The following RABEPK variants were observed in gnomAD, a reference collection of about 807,000 sequenced individuals.
The protein encoded by RABEPK is Rab9 effector protein with kelch motifs.
In RABEPK, 27 loss-of-function variants were observed where a neutral mutation model predicts 34.1. That is an observed-to-expected ratio of 0.79 (90% confidence interval 0.58 to 1.09). The LOEUF (loss-of-function observed/expected upper bound fraction) is 1.09, where lower values mean the gene tolerates loss of function less well. Ranked by LOEUF, RABEPK falls within the 50% of genes least tolerant of loss-of-function variation. The probability of loss-of-function intolerance (pLI) is 0.00; values close to 1 mark genes in which losing one functional copy is unlikely to be tolerated. For synonymous variants in RABEPK, 172 were observed against 169.2 expected (o/e 1.02, Z -0.13); for missense variants, 449 against 462.6 (o/e 0.97, Z 0.27).
At chr9:125,233,333 T>G (rs1832347033) in intron 7 of RABEPK, among the ~76,000 whole-genome samples, 1 of 136,312 alleles carries the variant, frequency 7.3e-6, no homozygotes, top group Non-Finnish European at 1.6e-5. Flanking sequence ...GAAATTGTTT[T>G]TTTTTTTTTT....
At position 125,228,018 on chromosome 9, in the gene RABEPK, C is replaced by T. The variant is rs746386284; in HGVS notation, c.635C>T (p.Ala212Val). 1.2e-5 allele frequency: 19 copies of T among 1,603,392 alleles called. No individual in the cohort carries two copies. The highest frequency in any genetic ancestry group is 4.0e-5 in the African/African-American group (3 of 74,496). Reference protein sequence around the residue: ...GTKLFIHGGLAGDRFYDDLHC... With the variant: ...GTKLFIHGGLVGDRFYDDLHC... ...AAGCTCTTCATCCACGGAGGCTTGGCGGGGGACAGATTCTATGATGACCTC... is the reference window on the plus strand; with the variant it reads ...AAGCTCTTCATCCACGGAGGCTTGGTGGGGGACAGATTCTATGATGACCTC... Residue 212 changes from alanine (A) to valine (V), a missense_variant, in exon 6 of 8, where the codon GCG becomes GTG. Coordinates refer to ENST00000373538, the MANE Select transcript of RABEPK (RefSeq NM_005833.4).
At position 125,232,742 on chromosome 9, in the gene RABEPK, A is replaced by C. The variant is rs767688632; in HGVS notation, c.823A>C (p.Thr275Pro). ...GALDTMYQYH[T>P]EEQHWTLLKF... ...ACTGGACACAATGTACCAGTATCAC[A>C]CAGGTGAGCAGGTGTCCATGGGGGA... Residue 275 changes from threonine to proline, a missense_variant, in exon 7 of 8, where the codon ACA becomes CCA. Physicochemically the swap from Thr to Pro is conservative, Grantham distance 38. Transcript: ENST00000373538. 6.2e-7 allele frequency: 1 copy of C among 1,612,860 alleles called. No homozygotes were observed. The highest frequency in any genetic ancestry group is 1.1e-5 in the South Asian group (1 of 90,812).
At chr9:125,203,136 T>C in intron 2 of RABEPK, 70 bp downstream of exon 2, 5 of 1,364,602 alleles carry the variant, frequency 3.7e-6, no homozygotes, top group Non-Finnish European at 5.2e-6. Context: ...TTTATTTACA[T>C]ATTTGATCAT....
At chr9:125,214,241 G>T (rs1378885650) in intron 4 of RABEPK, among the ~76,000 whole-genome samples, 1 of 152,146 alleles carries the variant, frequency 6.6e-6, no homozygotes, top group African/African-American at 2.4e-5. Context: ...AAAGGCGATT[G>T]TGCCCCCGGG....
chr9:125,216,289 A>T (rs929532403), intron 4 of RABEPK, among the ~76,000 whole-genome samples: 3 of 152,122 alleles, frequency 2.0e-5, no homozygotes, highest in Non-Finnish European at 2.9e-5. Flanking sequence ...CTCTCAAAAA[A>T]GCATTTTTTG....
Position 125,200,615 on chromosome 9 carries a change from C to G in RABEPK, c.-298C>G. On this transcript the variant is annotated 5_prime_UTR_variant, in exon 1 of 8. Transcript: ENST00000373538. ...GGGGCTGGAGGGTAGGGGCGAGGGT[C>G]CCCGGATACCGGGTCTATCACGGTC... is the stretch of plus-strand genomic sequence containing the variant. 1 of 459,060 alleles carries G rather than the reference C, an allele frequency of 2.2e-6. No individual in the cohort carries two copies. The highest frequency in any genetic ancestry group is 1.6e-5 in the South Asian group (1 of 63,742). 28.4% of individuals were successfully genotyped at this position (459,060 alleles called of 1,614,324 possible).
At position 125,234,156 on chromosome 9, in the gene RABEPK, C is replaced by T; in HGVS notation, c.*176C>T. On this transcript the variant is annotated 3_prime_UTR_variant, in exon 8 of 8. Coordinates refer to ENST00000373538, the MANE Select transcript of RABEPK (RefSeq NM_005833.4). ...TGCACTAAACCTTGCTATATTGCCT[C>T]TCAGAGCTCTTGGGAATGACTTTCA... 1.5e-6 allele frequency: 1 copy of T among 651,728 alleles called. No individual in the cohort carries two copies. The highest frequency in any genetic ancestry group is 2.6e-6 in the Non-Finnish European group (1 of 388,218). 40.4% of individuals were successfully genotyped at this position (651,728 alleles called of 1,614,324 possible). A position where few individuals can be genotyped will look rare whatever the true frequency, so the allele number is the denominator to read the frequency against.
At chr9:125,204,994 A>AT (rs895946423) in intron 2 of RABEPK, among the ~76,000 whole-genome samples, 27 of 147,718 alleles carry the variant, frequency 1.8e-4, no homozygotes, top group African/African-American at 2.7e-4. Flanking sequence ...TGCCCAGCTA[A>AT]TTTTTTTTTT....
At chr9:125,204,373 G>A (rs867366795) in intron 2 of RABEPK, among the ~76,000 whole-genome samples, 2 of 152,184 alleles carry the variant, frequency 1.3e-5, no homozygotes, top group African/African-American at 4.8e-5. Context: ...CTTGAAGCCA[G>A]GAGTTTGAGA....
chr9:125,223,639 C>T lies in RABEPK; in HGVS notation c.526+2939C>T, dbSNP rs1490356658. On this transcript the variant is annotated intron_variant, in intron 5 of 7. Transcript: ENST00000373538. ...CCATCGGCTCAGGAGGCTGGAGGAC[C>T]GCTTGGGCCCAGGAGTTTGAGGATG... Among the ~76,000 whole-genome samples, 6 of 150,494 alleles carry T rather than the reference C, an allele frequency of 4.0e-5. No individual in the cohort carries two copies. In the South Asian group the frequency reaches 1.0e-3, roughly 26 times the overall value.
chr9:125,205,944 G>A (rs936003018), intron 2 of RABEPK, among the ~76,000 whole-genome samples: 3 of 115,452 alleles, frequency 2.6e-5, no homozygotes, highest in African/African-American at 7.2e-5. Context: ...GAGGAAAAGA[G>A]AATTGAGAAT....
chr9:125,232,528 G>GTAGA, intron 6 of RABEPK, 68 bp from the exon 7 acceptor site: 1 of 1,509,434 alleles, frequency 6.6e-7, no homozygotes, highest in Non-Finnish European at 9.0e-7. Context: ...GCAAACTACA[G>GTAGA]TAGATAGATA....
In RABEPK at chr9:125,232,028, T is replaced by C. The variant is rs553970933; in HGVS notation, c.677-568T>C. ...GATTCTCATGCCTCAGCCTCCTGAG[T>C]AGCTGGGATTACAGGCATGCACCAC... On this transcript the variant is annotated intron_variant, in intron 6 of 7. Coordinates refer to ENST00000373538, the MANE Select transcript of RABEPK (RefSeq NM_005833.4). 2.0e-5 allele frequency among the ~76,000 whole-genome samples: 3 copies of C among 150,434 alleles called. No homozygotes were observed. The East Asian group carries it at 6.0e-4, about 30-fold the overall frequency.
intron 7 of RABEPK, 51 bp from the exon 8 acceptor site, chr9:125,233,637 C>T (rs556303088): frequency 1.7e-4 from 260 of 1,570,426 alleles, no homozygotes; most frequent in Non-Finnish European, 2.1e-4. Flanking sequence ...CCACCGTGCC[C>T]GGCCTATCTG....
intron 5 of RABEPK, chr9:125,221,159 C>CAAATAAATT (rs982040314): frequency 2.1e-5 from 3 of 143,652 alleles, no homozygotes; most frequent in African/African-American, 7.8e-5. Context: ...TACTCCATCT[C>CAAATAAATT]AAATAAATAA....
chr9:125,207,037 C>T (rs1588332988), intron 2 of RABEPK, among the ~76,000 whole-genome samples: 2 of 150,916 alleles, frequency 1.3e-5, no homozygotes, highest in South Asian at 4.2e-4. Context: ...TGTAGTGAGC[C>T]GAGATCACGC....
chr9:125,233,650 A>G (rs768447151), intron 7 of RABEPK, 38 bp from the exon 8 acceptor site: 22 of 1,590,000 alleles, frequency 1.4e-5, no homozygotes, highest in Non-Finnish European at 1.8e-5. Context: ...CCTATCTGGA[A>G]ATTTCTTAAC....
intron 4 of RABEPK, among the ~76,000 whole-genome samples, chr9:125,213,923 T>C (rs893042547): frequency 3.3e-5 from 5 of 152,058 alleles, no homozygotes; most frequent in African/African-American, 4.8e-5. Flanking sequence ...GAGTTTGAGA[T>C]TGGCCTGGCC....
At position 125,203,022 on chromosome 9, in the gene RABEPK, A is replaced by G. The variant is rs772501498; in HGVS notation, c.9A>G (p.Gln3=). The change falls in exon 2 of 8, where the codon CAA becomes CAG. Residue 3 remains glutamine (Q), a synonymous_variant. Transcript: ENST00000373538. Reference sequence around the variant, plus strand: ...CTTATGCATAGGACACCATGAAGCAACTGCCAGTCTTGGAACCTGGAGACA... The same window carrying G: ...CTTATGCATAGGACACCATGAAGCAGCTGCCAGTCTTGGAACCTGGAGACA... MK[Q]LPVLEPGDKP... is the part of the protein sequence containing the mutation. The G allele has an allele frequency of 2.5e-6, 4 of 1,613,746 alleles. No homozygotes were observed. The Admixed American group carries it at 5.0e-5, about 20-fold the overall frequency.
Sources: allele counts gnomAD v4.1 joint callset (sites outside exome capture counted in the v4.1 genomes callset), GRCh38; gene constraint gnomAD v4.1.1; transcripts MANE v1.5; gene names NCBI Gene and HGNC (gene_info 2026-07-23, HGNC 2026-07-21).